The following ADAMTS12 variants were observed in gnomAD, a reference collection of about 807,000 sequenced individuals.
ADAMTS12 encodes A disintegrin and metalloproteinase with thrombospondin motifs 12.
In ADAMTS12, 118 loss-of-function variants were observed where a neutral mutation model predicts 167.8. That is an observed-to-expected ratio of 0.70 (90% CI 0.61 to 0.82). The LOEUF (loss-of-function observed/expected upper bound fraction) is 0.82. Ranked by LOEUF, ADAMTS12 falls within the 40% of genes least tolerant of loss-of-function variation. The pLI, the probability that ADAMTS12 is intolerant of heterozygous loss-of-function variation, is 0.00. For missense variants in ADAMTS12, 1,916 were observed against 1,998.8 expected, an observed-to-expected ratio of 0.96 and a Z score of 0.79; for synonymous variants, 704 against 716.9, an observed-to-expected ratio of 0.98 and a Z score of 0.29.
chr5:33,559,559 T>C lies in ADAMTS12; in HGVS notation c.4125+1468A>G, dbSNP rs115710807. Among the ~76,000 whole-genome samples, 1,244 of 152,316 alleles carry C rather than the reference T, an allele frequency of 8.2e-3. 20 individuals are homozygous for C. The highest frequency in any genetic ancestry group is 0.028 in the African/African-American group (1,166 of 41,574). The stretch of plus-strand genomic sequence containing the variant: ...GCAAAATGAGTAATCACAGTAAGAT[T>C]AGCAAAGATGGTAAAATTGCACTTT... On this transcript the variant is annotated intron_variant, in intron 20 of 23. Transcript: ENST00000504830.
chr5:33,761,112 G>T (rs754956429), intron 2 of ADAMTS12, among the ~76,000 whole-genome samples: 30 of 152,116 alleles, frequency 2.0e-4, no homozygotes, highest in South Asian at 2.1e-4. Flanking sequence ...GAAGCAAAAA[G>T]CCATTATGGC....
At chr5:33,712,905 G>A (rs1561229622) in intron 3 of ADAMTS12, among the ~76,000 whole-genome samples, 1 of 152,110 alleles carries the variant, frequency 6.6e-6, no homozygotes, top group East Asian at 1.9e-4. Context: ...TCATGGCCTA[G>A]ATCCAATAGC....
chr5:33,729,100 T>C (rs952805277), intron 3 of ADAMTS12, among the ~76,000 whole-genome samples: 2 of 152,230 alleles, frequency 1.3e-5, no homozygotes, highest in Non-Finnish European at 2.9e-5. Context: ...CATACTGATA[T>C]TTTATATTCT....
chr5:33,570,884 AT>A (rs1176957112), intron 19 of ADAMTS12, among the ~76,000 whole-genome samples: 2 of 151,364 alleles, frequency 1.3e-5, no homozygotes, highest in Non-Finnish European at 2.9e-5. Context: ...TAGGCTCAAA[AT>A]AAAAGGATGG....
intron 3 of ADAMTS12, among the ~76,000 whole-genome samples, chr5:33,689,890 C>A (rs1742489448): frequency 6.6e-6 from 1 of 152,186 alleles, no homozygotes; most frequent in African/African-American, 2.4e-5. Context: ...GAATGAACCC[C>A]AAAGTTGCTG....
chr5:33,637,706 G>C lies in ADAMTS12; in HGVS notation c.1759C>G (p.Arg587Gly). Residue 587 changes from arginine to glycine, a missense_variant, in exon 12 of 24, where the codon CGC becomes GGC. Arg to Gly is a moderately radical substitution (Grantham distance 125, BLOSUM62 -2). Transcript: ENST00000504830. ...GGKYCTGERK[R>G]YRLCNVHPCR... ...GGGTGGACGTTGCACAAGCGATAGC[G>C]TTTTCTTTCTCCAGTGCAATATTTC... The C allele has an allele frequency of 6.2e-7, 1 of 1,613,500 alleles. No homozygotes were observed.
intron 18 of ADAMTS12, among the ~76,000 whole-genome samples, chr5:33,581,316 T>C (rs563791925): frequency 6.6e-6 from 1 of 152,206 alleles, no homozygotes; most frequent in Non-Finnish European, 1.5e-5. Context: ...AAGCAGCATG[T>C]CAACCTGTTA....
At chr5:33,604,551 ACCC>A (rs1268366999) in intron 16 of ADAMTS12, among the ~76,000 whole-genome samples, 1 of 138,914 alleles carries the variant, frequency 7.2e-6, no homozygotes, top group Non-Finnish European at 1.6e-5. Context: ...ACCCCCCACC[ACCC>A]CCCTACTTAG....
intron 5 of ADAMTS12, among the ~76,000 whole-genome samples, chr5:33,668,037 G>T (rs567841556): frequency 6.6e-6 from 1 of 152,288 alleles, no homozygotes; most frequent in African/African-American, 2.4e-5. Flanking sequence ...CAAGCAACAA[G>T]AAGTAAGTGA....
chr5:33,726,622 G>A (rs774996590), intron 3 of ADAMTS12, among the ~76,000 whole-genome samples: 17 of 152,126 alleles, frequency 1.1e-4, no homozygotes, highest in Non-Finnish European at 2.2e-4. Flanking sequence ...ATTGGAGCAC[G>A]GTTTGAACAG....
At position 33,524,562 on chromosome 5, in the gene ADAMTS12, C is replaced by G. The variant is rs1743719135; in HGVS notation, c.*2626G>C. The G allele has an allele frequency of 1.3e-5, 2 of 152,198 alleles. No homozygotes were observed. The highest frequency in any genetic ancestry group is 4.8e-5 in the African/African-American group (2 of 41,448). 9.4% of individuals were successfully genotyped at this position (152,198 alleles called of 1,614,324 possible). A position where few individuals can be genotyped will look rare whatever the true frequency, so the allele number is the denominator to read the frequency against. On this transcript the variant is annotated 3_prime_UTR_variant, in exon 24 of 24. Transcript: ENST00000504830. ...CTGCTTCATATCAGCACCCAAGTATCAAAGATGTAAGATACCATGCAGGTT... is the reference window on the plus strand; with the variant it reads ...CTGCTTCATATCAGCACCCAAGTATGAAAGATGTAAGATACCATGCAGGTT...
intron 2 of ADAMTS12, among the ~76,000 whole-genome samples, chr5:33,822,847 G>C (rs892479129): frequency 6.6e-6 from 1 of 152,068 alleles, no homozygotes; most frequent in African/African-American, 2.4e-5. Context: ...CAGCACTTTG[G>C]GGGGCCAAGG....
intron 2 of ADAMTS12, among the ~76,000 whole-genome samples, chr5:33,832,121 G>A (rs1240130891): frequency 6.6e-6 from 1 of 152,216 alleles, no homozygotes; most frequent in African/African-American, 2.4e-5. Context: ...CTATCTGATA[G>A]ATTCACACGA....
Position 33,549,267 on chromosome 5 carries a change from T to C in ADAMTS12, c.4242A>G (p.Pro1414=). 3 of 1,614,068 alleles carry C rather than the reference T, an allele frequency of 1.9e-6. 1 individual carries two copies. In the South Asian group the frequency reaches 3.3e-5, roughly 18 times the overall value. The change falls in exon 21 of 24, where the codon CCA becomes CCG. Residue 1414 remains proline (P), a synonymous_variant. Coordinates refer to ENST00000504830, the MANE Select transcript of ADAMTS12 (RefSeq NM_030955.4). ...GCTCCGGGTTACAGCTCATGCTCAA[T>C]GGGGGAGGAATGCCGGCCAGGAACT... ...HCQFLAGIPP[P]LSMSCNPEPC...
At chr5:33,867,158 A>G (rs754608222) in intron 2 of ADAMTS12, among the ~76,000 whole-genome samples, 2 of 152,160 alleles carry the variant, frequency 1.3e-5, no homozygotes, top group Non-Finnish European at 2.9e-5. Context: ...ACAACTGCAT[A>G]CGTGTGTTTA....
At chr5:33,543,481 G>C (rs12519289) in intron 22 of ADAMTS12, among the ~76,000 whole-genome samples, 2 of 152,258 alleles carry the variant, frequency 1.3e-5, no homozygotes, top group South Asian at 4.2e-4. Context: ...CCAATCAATA[G>C]AAAAAGAGGG....
intron 1 of ADAMTS12, among the ~76,000 whole-genome samples, chr5:33,885,308 C>A (rs75312438): frequency 0.011 from 1,702 of 151,930 alleles, 29 homozygotes; most frequent in Middle Eastern, 0.11. Context: ...ATGAACAAAG[C>A]CTTTGAAATA....
chr5:33,795,732 G>A (rs1746747935), intron 2 of ADAMTS12, among the ~76,000 whole-genome samples: 2 of 152,134 alleles, frequency 1.3e-5, no homozygotes, highest in South Asian at 4.1e-4. Context: ...CAAATGTGGA[G>A]GGTTTTGAAA....
intron 16 of ADAMTS12, among the ~76,000 whole-genome samples, chr5:33,605,042 T>A (rs1029196131): frequency 6.6e-6 from 1 of 152,228 alleles, no homozygotes; most frequent in Non-Finnish European, 1.5e-5. Context: ...TAGACATATA[T>A]AAAAATAAAC....
Sources: gnomAD v4.1 joint callset for allele counts (sites outside exome capture counted in the v4.1 genomes callset) on GRCh38, gnomAD v4.1.1 for gene constraint, MANE v1.5 for transcripts, NCBI Gene and HGNC (gene_info 2026-07-23, HGNC 2026-07-21) for gene names.